The following AGMO variants were observed in gnomAD, a reference collection of about 807,000 sequenced individuals.
The protein encoded by AGMO is alkylglycerol monooxygenase, also known as glyceryl-ether monooxygenase.
In AGMO, 75 loss-of-function variants were observed where a neutral mutation model predicts 60.2. That is an observed-to-expected ratio of 1.25 (90% CI 1.03 to 1.51). AGMO has a LOEUF of 1.51. Ranked by LOEUF, AGMO falls within the 40% of genes most tolerant of loss-of-function variation. AGMO has a pLI of 0.00. For synonymous variants in AGMO, 261 were observed against 177.1 expected, an observed-to-expected ratio of 1.47 and a Z score of -3.76; for missense variants, 763 against 525.5, an observed-to-expected ratio of 1.45 and a Z score of -4.42.
At chr7:15,559,080 C>T (rs1230137796) in intron 2 of AGMO, among the ~76,000 whole-genome samples, 2 of 152,096 alleles carry the variant, frequency 1.3e-5, no homozygotes, top group African/African-American at 2.4e-5. Flanking sequence ...TTCCTCTTCA[C>T]ACATTATAAT....
the AGMO span, among the ~76,000 whole-genome samples, chr7:15,151,978 T>G: frequency 6.6e-6 from 1 of 152,174 alleles, no homozygotes; most frequent in Non-Finnish European, 1.5e-5. Flanking sequence ...GAAATTTCTG[T>G]AGCAGGGAGC....
intron 3 of AGMO, 145 bp from the exon 4 acceptor site, chr7:15,431,253 A>G (rs917416756): frequency 3.3e-6 from 2 of 608,740 alleles, no homozygotes; most frequent in African/African-American, 3.8e-5. Flanking sequence ...TAATTAAAAT[A>G]TGCTGCCTGA....
chr7:15,319,843 T>C (rs1385630750), intron 12 of AGMO, among the ~76,000 whole-genome samples: 1 of 152,010 alleles, frequency 6.6e-6, no homozygotes, highest in Non-Finnish European at 1.5e-5. Flanking sequence ...AAGCTTTAAT[T>C]TGAGAGGAAG....
At chr7:15,430,621 G>A (rs1256026659) in intron 4 of AGMO, among the ~76,000 whole-genome samples, 2 of 106,698 alleles carry the variant, frequency 1.9e-5, no homozygotes, top group South Asian at 3.0e-4. Flanking sequence ...AAAAACAACT[G>A]GTTTTTTTTA....
At chr7:15,498,011 G>A (rs925584824) in intron 3 of AGMO, among the ~76,000 whole-genome samples, 1 of 151,960 alleles carries the variant, frequency 6.6e-6, no homozygotes, top group Non-Finnish European at 1.5e-5. Flanking sequence ...GTTATACTAT[G>A]TATACTGCAC....
chr7:15,368,618 T>A (rs1421356753), intron 10 of AGMO, among the ~76,000 whole-genome samples: 1 of 152,106 alleles, frequency 6.6e-6, no homozygotes, highest in Non-Finnish European at 1.5e-5. Flanking sequence ...AAAGAGTGTT[T>A]GGCACAGAGT....
At chr7:15,216,442 A>G (rs565942899) in intron 12 of AGMO, among the ~76,000 whole-genome samples, 6 of 152,240 alleles carry the variant, frequency 3.9e-5, no homozygotes, top group African/African-American at 1.4e-4. Context: ...GTGGTAAGTA[A>G]CACTAAAATC....
chr7:15,360,412 T>G (rs920355123), intron 12 of AGMO, among the ~76,000 whole-genome samples: 28 of 152,164 alleles, frequency 1.8e-4, no homozygotes, highest in African/African-American at 6.5e-4. Flanking sequence ...ACCAGAAACC[T>G]TAGTGGTAAC....
chr7:15,141,331 C>A, the AGMO span, among the ~76,000 whole-genome samples: 1 of 152,122 alleles, frequency 6.6e-6, no homozygotes, highest in Admixed American at 6.5e-5. Context: ...CGTCTGTAAT[C>A]CCAACACTTT....
At chr7:15,418,754 T>A (rs1412070814) in intron 4 of AGMO, 101 bp from the exon 5 acceptor site, 1 of 709,206 alleles carries the variant, frequency 1.4e-6, no homozygotes, top group Non-Finnish European at 2.4e-6. Flanking sequence ...AGGAAATATA[T>A]CTCATACTAT....
intron 3 of AGMO, among the ~76,000 whole-genome samples, chr7:15,450,933 A>T (rs1174925502): frequency 6.6e-6 from 1 of 152,208 alleles, no homozygotes; most frequent in Non-Finnish European, 1.5e-5. Context: ...TGAAATTAGA[A>T]CTAAAGCAAA....
At chr7:15,137,051 G>A in the AGMO span, among the ~76,000 whole-genome samples, 1 of 152,176 alleles carries the variant, frequency 6.6e-6, no homozygotes, top group African/African-American at 2.4e-5. Flanking sequence ...TTGCATGTCT[G>A]AGAATGATTT....
At chr7:15,289,522 C>T (rs1784194745) in intron 12 of AGMO, among the ~76,000 whole-genome samples, 1 of 151,814 alleles carries the variant, frequency 6.6e-6, no homozygotes, top group East Asian at 1.9e-4. Flanking sequence ...TGTGGCTCAC[C>T]AAGTATATAT....
chr7:15,250,842 G>A (rs1166964207), intron 12 of AGMO, among the ~76,000 whole-genome samples: 3 of 151,930 alleles, frequency 2.0e-5, no homozygotes, highest in African/African-American at 7.3e-5. Context: ...CTACTCGGGA[G>A]GCTGAGGCAG....
At chr7:15,520,451 A>G (rs1317044083) in intron 3 of AGMO, among the ~76,000 whole-genome samples, 1 of 152,198 alleles carries the variant, frequency 6.6e-6, no homozygotes, top group Non-Finnish European at 1.5e-5. Context: ...ATTGGAAGTA[A>G]AACACTCCTC....
chr7:15,360,261 G>T (rs565724313), intron 12 of AGMO, among the ~76,000 whole-genome samples: 2 of 152,162 alleles, frequency 1.3e-5, no homozygotes, highest in African/African-American at 2.4e-5. Flanking sequence ...AAGCTTCAAA[G>T]GAAGTATTAC....
intron 3 of AGMO, among the ~76,000 whole-genome samples, 189 bp downstream of exon 3, chr7:15,544,583 T>C (rs765668379): frequency 1.3e-5 from 2 of 152,192 alleles, no homozygotes; most frequent in Non-Finnish European, 2.9e-5. Flanking sequence ...TTTCATATCA[T>C]TTTTAAAATA....
chr7:15,267,016 G>A (rs541208076), intron 12 of AGMO, among the ~76,000 whole-genome samples: 6 of 152,032 alleles, frequency 3.9e-5, no homozygotes, highest in African/African-American at 1.4e-4. Flanking sequence ...TAGTGGAAGA[G>A]AGAACATAAA....
chr7:15,138,424 T>G, the AGMO span, among the ~76,000 whole-genome samples: 1 of 152,206 alleles, frequency 6.6e-6, no homozygotes, highest in East Asian at 1.9e-4. Context: ...GGCTAAATCA[T>G]AATCCCGACA....
Sources: allele counts gnomAD v4.1 joint callset (sites outside exome capture counted in the v4.1 genomes callset), GRCh38; gene constraint gnomAD v4.1.1; transcripts MANE v1.5; gene names NCBI Gene and HGNC (gene_info 2026-07-23, HGNC 2026-07-21).